ADGRB1: variants seen among roughly 807,000 people sequenced by gnomAD.
ADGRB1 encodes adhesion G protein-coupled receptor B1.
A neutral mutation model predicts 175.7 loss-of-function variants in ADGRB1; 36 were observed. The ratio of observed to expected loss-of-function variants is 0.20; its 90% CI spans 0.16 to 0.27. ADGRB1 has a LOEUF of 0.27. ADGRB1 is among the 10% of genes least tolerant of loss of function. The probability of loss-of-function intolerance (pLI) is 1.00; values close to 1 mark genes in which losing one functional copy is unlikely to be tolerated. For synonymous variants in ADGRB1, 1,054 were observed against 979.4 expected, an observed-to-expected ratio of 1.08 and a Z score of -1.42; for missense variants, 1,731 against 2,255.3, an observed-to-expected ratio of 0.77 and a Z score of 4.71.
At chr8:142,539,450 G>A (rs550862157) in intron 27 of ADGRB1, 37 bp downstream of exon 27, 19 of 1,595,046 alleles carry the variant, frequency 1.2e-5, no homozygotes, top group South Asian at 3.4e-5. Context: ...GTGCCAGCCC[G>A]GCCCCCTGCA....
At chr8:142,484,173 C>G (rs937585211) in intron 12 of ADGRB1, 128 bp downstream of exon 12, 1 of 750,496 alleles carries the variant, frequency 1.3e-6, no homozygotes, top group African/African-American at 1.8e-5. Flanking sequence ...TCAGGATGGT[C>G]TCTTGCTGGT....
At chr8:142,516,403 CGT>C (rs1177917754) in intron 18 of ADGRB1, among the ~76,000 whole-genome samples, 11 of 100,114 alleles carry the variant, frequency 1.1e-4, no homozygotes, top group Non-Finnish European at 1.5e-4. Flanking sequence ...GCCCCAGTTG[CGT>C]GTGTGTGGGC....
At chr8:142,488,642 G>A (rs1347782419) in intron 14 of ADGRB1, 135 bp downstream of exon 14, 1 of 1,199,092 alleles carries the variant, frequency 8.3e-7, no homozygotes, top group Non-Finnish European at 1.1e-6. Flanking sequence ...TTTCCAGGAA[G>A]CCCTCCTTGC....
chr8:142,532,406 C>T (rs1844674989), intron 24 of ADGRB1, among the ~76,000 whole-genome samples: 2 of 152,180 alleles, frequency 1.3e-5, no homozygotes, highest in African/African-American at 4.8e-5. Flanking sequence ...TTCACTGCTC[C>T]CAGCGAGGCT....
chr8:142,527,215 C>T (rs1181905368), intron 24 of ADGRB1, among the ~76,000 whole-genome samples: 2 of 152,210 alleles, frequency 1.3e-5, no homozygotes, highest in Non-Finnish European at 2.9e-5. Context: ...AGGGACAGGG[C>T]CCTGGGCACA....
At chr8:142,470,422 C>T (rs1356778542) in intron 2 of ADGRB1, among the ~76,000 whole-genome samples, 2 of 151,320 alleles carry the variant, frequency 1.3e-5, no homozygotes, top group East Asian at 1.9e-4. Context: ...TATGTGTCCC[C>T]GTGTGGTGTG....
rs532333539 is a variant in ADGRB1, at chr8:142,452,656, C to G, written c.-220+2552C>G. On this transcript the variant is annotated intron_variant, in intron 1 of 30. Transcript: ENST00000517894. ...TCTGCGGCGTCAGGGTGGCCCGAGT[C>G]CCGAGACCATCTGCGCTTGCGGACA... Among the ~76,000 whole-genome samples the G allele has an allele frequency of 1.3e-3, 202 of 152,318 alleles. 3 individuals carry two copies. Among genetic ancestry groups the G allele is most frequent in the African/African-American group, 4.8e-3 (198 of 41,590 alleles).
Position 142,542,296 on chromosome 8 carries a change from G to T in ADGRB1, c.4062G>T (p.Thr1354=). Residue 1354 remains threonine, a synonymous_variant, in exon 28 of 31, where the codon ACG becomes ACT. Transcript: ENST00000517894. This position sits in a 1 kb window ranked among gnomAD's most constrained non-coding sequence, Gnocchi z 6.3. ...TGATCCTGCCCACGGCCACGGCCAC[G>T]CTGCGGCCCAAGCCCAAGGAGGAGC... ...SYVILPTATA[T]LRPKPKEEPK... The T allele has an allele frequency of 1.2e-6, 2 of 1,613,188 alleles. No homozygotes were observed. Among genetic ancestry groups the T allele is most frequent in the Non-Finnish European group, 8.5e-7 (1 of 1,179,784 alleles).
intron 1 of ADGRB1, among the ~76,000 whole-genome samples, chr8:142,458,516 G>T (rs541091661): frequency 6.6e-6 from 1 of 152,158 alleles, no homozygotes; most frequent in South Asian, 2.1e-4. Context: ...TGTAGTGAAC[G>T]TTGGTGCCCT....
rs928576504 is a variant in ADGRB1, at chr8:142,544,512, G to A, written c.*95G>A. 1.7e-5 allele frequency: 23 copies of A among 1,354,492 alleles called. 1 individual carries two copies. The highest frequency in any genetic ancestry group is 1.6e-4 in the African/African-American group (10 of 64,418). 83.9% of individuals were successfully genotyped at this position (1,354,492 alleles called of 1,614,324 possible). On this transcript the variant is annotated 3_prime_UTR_variant, in exon 31 of 31. Coordinates refer to ENST00000517894, the MANE Select transcript of ADGRB1 (RefSeq NM_001702.3). ...GGGCACAGACACGCTCGCGGGCAGC[G>A]GGCCAGGCCCGCACCCCGGCCTCAG... is the stretch of plus-strand genomic sequence containing the variant.
In ADGRB1 at chr8:142,477,478, C is replaced by G; in HGVS notation, c.1316C>G (p.Pro439Arg). The G allele has an allele frequency of 1.2e-6, 2 of 1,613,062 alleles. No individual in the cohort carries two copies. The highest frequency in any genetic ancestry group is 4.5e-5 in the East Asian group (2 of 44,884). The change falls in exon 6 of 31, where the codon CCC becomes CGC. Residue 439 changes from proline to arginine, a missense_variant. By Grantham distance (103) the Pro-to-Arg change is moderately radical. Around this residue, in one of 8 missense-constraint regions of ADGRB1, gnomAD observed 388 missense variants for 630.9 expected, o/e 0.61. Coordinates refer to ENST00000517894, the MANE Select transcript of ADGRB1 (RefSeq NM_001702.3). The part of the protein sequence containing the change: ...FRDRTRTCRP[P>R]QFGGNPCEGP... Reference sequence around the variant, plus strand: ...GATCGCACGCGCACCTGCAGGCCCCCCCAGTTTGGGGGCAACCCCTGTGAG... The same window carrying G: ...GATCGCACGCGCACCTGCAGGCCCCGCCAGTTTGGGGGCAACCCCTGTGAG...
At chr8:142,536,083 G>A (rs1844906358) in intron 25 of ADGRB1, among the ~76,000 whole-genome samples, 1 of 152,086 alleles carries the variant, frequency 6.6e-6, no homozygotes, top group Non-Finnish European at 1.5e-5. Context: ...AGGGCCACAG[G>A]TCTGTGGTTG....
At chr8:142,530,788 C>A (rs7846567) in intron 24 of ADGRB1, among the ~76,000 whole-genome samples, 101,129 of 152,108 alleles carry the variant, frequency 0.66, 35,914 homozygotes, top group East Asian at 0.99. Context: ...GTTCCCTTTG[C>A]AGTCACTCAG....
intron 13 of ADGRB1, among the ~76,000 whole-genome samples, chr8:142,486,080 G>A (rs890498216): frequency 3.3e-5 from 5 of 152,094 alleles, no homozygotes; most frequent in African/African-American, 7.2e-5. Flanking sequence ...ACACGTGAAC[G>A]TTTACAGGAC....
Position 142,510,914 on chromosome 8 carries a change from T to TGG in ADGRB1, c.2676-17_2676-16insGG. 4 of 906,938 alleles carry TGG rather than the reference T, an allele frequency of 4.4e-6. No individual in the cohort carries two copies. The highest frequency in any genetic ancestry group is 5.4e-6 in the Non-Finnish European group (4 of 736,682). 56.2% of individuals were successfully genotyped at this position (906,938 alleles called of 1,614,324 possible). A position where few individuals can be genotyped will look rare whatever the true frequency, so the allele number is the denominator to read the frequency against. ...TGACGCTCCGCCTGTCTCCCTCCCG[T>TGG]GTCCCGCCCGCCCCCAGACCCTCCT... On this transcript the variant is annotated splice_polypyrimidine_tract_variant and intron_variant, in intron 17 of 30. Transcript: ENST00000517894. This position sits in a 1 kb window ranked among gnomAD's most constrained non-coding sequence, Gnocchi z 6.3.
chr8:142,465,130 G>A (rs1011068275), intron 2 of ADGRB1, 148 bp downstream of exon 2: 8 of 1,009,264 alleles, frequency 7.9e-6, no homozygotes, highest in African/African-American at 5.0e-5. Flanking sequence ...AGGTGGACCG[G>A]GGTCTTCTTC....
chr8:142,532,135 C>G (rs1006852806), intron 24 of ADGRB1, among the ~76,000 whole-genome samples: 1 of 152,144 alleles, frequency 6.6e-6, no homozygotes, highest in Non-Finnish European at 1.5e-5. Context: ...CCCAGCTCCC[C>G]CTGTGTAGGA....
At chr8:142,539,792 T>G in intron 27 of ADGRB1, 1 of 301,746 alleles carries the variant, frequency 3.3e-6, no homozygotes, top group Non-Finnish European at 6.3e-6. Context: ...TCCCCCCCCC[T>G]GCCTCCTGCC....
At chr8:142,539,223 G>A in intron 26 of ADGRB1, 151 bp from the exon 27 acceptor site, 1 of 702,310 alleles carries the variant, frequency 1.4e-6, no homozygotes. Context: ...GGGGAGGCAT[G>A]GTCGCCCACG....
Sources: allele counts gnomAD v4.1 joint callset (sites outside exome capture counted in the v4.1 genomes callset), GRCh38; gene constraint gnomAD v4.1.1; regional missense constraint gnomAD v4.1.1; non-coding constraint Gnocchi (gnomAD v3.1); transcripts MANE v1.5; gene names NCBI Gene and HGNC (gene_info 2026-07-23, HGNC 2026-07-21).